Variants in TBXAS1 observed in about 807,000 individuals in gnomAD.
TBXAS1 encodes the protein thromboxane-A synthase.
TBXAS1 carries 48 observed loss-of-function variants against 60.7 expected under a neutral mutation model. The observed-to-expected ratio is 0.79, with a 90% CI of 0.63 to 1.01. The LOEUF (loss-of-function observed/expected upper bound fraction) is 1.01, where lower values mean the gene tolerates loss of function less well. Among genes scored for constraint, TBXAS1 ranks in the 50% least tolerant of loss-of-function variants. The pLI, the probability that TBXAS1 is intolerant of heterozygous loss-of-function variation, is 0.00. For missense variants in TBXAS1, 685 were observed against 686.3 expected, an observed-to-expected ratio of 1.00 and a Z score of 0.02; for synonymous variants, 287 against 269.7, an observed-to-expected ratio of 1.06 and a Z score of -0.63.
At chr7:139,947,576 A>T (rs1808834860) in intron 5 of TBXAS1, among the ~76,000 whole-genome samples, 1 of 152,242 alleles carries the variant, frequency 6.6e-6, no homozygotes, top group African/African-American at 2.4e-5. Context: ...AAATTTTAAA[A>T]AACTGGGTAC....
intron 9 of TBXAS1, among the ~76,000 whole-genome samples, chr7:139,986,000 G>A (rs1812428256): frequency 6.6e-6 from 1 of 152,366 alleles, no homozygotes; most frequent in Admixed American, 6.5e-5. Context: ...GGTGCTACAT[G>A]AGCATTCTGT....
chr7:140,001,916 C>T (rs1171345319), intron 9 of TBXAS1, among the ~76,000 whole-genome samples: 1 of 152,220 alleles, frequency 6.6e-6, no homozygotes, highest in African/African-American at 2.4e-5. Flanking sequence ...GTCGCTTCCT[C>T]CTCACAGAGT....
chr7:139,959,938 G>A (rs1810196604), intron 8 of TBXAS1, among the ~76,000 whole-genome samples: 1 of 152,204 alleles, frequency 6.6e-6, no homozygotes, highest in Non-Finnish European at 1.5e-5. Flanking sequence ...CATGGGAGCA[G>A]GGCCAGCAGT....
intron 3 of TBXAS1, among the ~76,000 whole-genome samples, chr7:139,786,469 TTTC>T: frequency 6.6e-6 from 1 of 152,290 alleles, no homozygotes. Flanking sequence ...TAGTGAAAAG[TTTC>T]ACAGATAGAC....
At position 139,822,012 on chromosome 7, in the gene TBXAS1, A is replaced by T. The variant is rs6974198; in HGVS notation, c.-79-7300A>T. On this transcript the variant is annotated intron_variant, in intron 4 of 16. Coordinates refer to the TBXAS1 transcript ENST00000336425. ...AGTGCTCCCTGTGAGCCAGAGCTCC[A>T]CTAATCAGGCCACACGAGGAATTCA... is the stretch of plus-strand genomic sequence containing the variant. Among the ~76,000 whole-genome samples the T allele has an allele frequency of 7.3e-3, 1,113 of 152,344 alleles. 11 individuals carry two copies. Among genetic ancestry groups the T allele is most frequent in the African/African-American group, 0.025 (1,033 of 41,580 alleles).
chr7:139,837,074 G>A (rs1251588988), intron 1 of TBXAS1, among the ~76,000 whole-genome samples: 1 of 152,086 alleles, frequency 6.6e-6, no homozygotes, highest in Admixed American at 6.5e-5. Context: ...CAACACTAAC[G>A]ACCAGGGAAA....
At chr7:139,808,979 TAAA>T (rs11358840) in intron 4 of TBXAS1, among the ~76,000 whole-genome samples, 12 of 125,850 alleles carry the variant, frequency 9.5e-5, no homozygotes, top group Admixed American at 2.4e-4. Flanking sequence ...CAGGTCTTCA[TAAA>T]AAAAAAAAAA....
rs1013432320 is a variant in TBXAS1 at position 139,878,512 on chromosome 7, G to GA, written c.236+2884dup. Among the ~76,000 whole-genome samples the GA allele has an allele frequency of 4.7e-5, 7 of 150,126 alleles. No homozygotes were observed. The South Asian group carries it at 8.4e-4, about 18-fold the overall frequency. ...TAAAGCTATCAACTTTTCTCCTTTGGAAAAAAAAAGATGAGCCATAAAACA... is the reference window on the plus strand; with the variant it reads ...TAAAGCTATCAACTTTTCTCCTTTGGAAAAAAAAAAGATGAGCCATAAAACA... On this transcript the variant is annotated intron_variant, in intron 3 of 12. Transcript: ENST00000448866.
At chr7:140,016,304 G>C (rs977513245) in intron 11 of TBXAS1, 8 of 250,636 alleles carry the variant, frequency 3.2e-5, no homozygotes, top group Admixed American at 5.0e-5. Context: ...CTCCAGCCTG[G>C]GTGACAGAGC....
At chr7:139,962,261 A>C (rs1228462831) in intron 9 of TBXAS1, 28 bp downstream of exon 9, 9 of 1,612,754 alleles carry the variant, frequency 5.6e-6, no homozygotes, top group Non-Finnish European at 6.8e-6. Flanking sequence ...CCAGTTACCC[A>C]TGGGATATCC....
intron 1 of TBXAS1, among the ~76,000 whole-genome samples, chr7:139,861,222 A>T (rs997866997): frequency 6.6e-6 from 1 of 151,620 alleles, no homozygotes; most frequent in African/African-American, 2.4e-5. Context: ...TCTGCATTTG[A>T]TCTATTATGT....
chr7:139,858,829 T>A (rs194147), intron 1 of TBXAS1, among the ~76,000 whole-genome samples: 93,022 of 152,098 alleles, frequency 0.61, 29,570 homozygotes, highest in Non-Finnish European at 0.7. Context: ...ACTTTAAAAA[T>A]CTTTCATTAT....
intron 4 of TBXAS1, among the ~76,000 whole-genome samples, chr7:139,819,521 G>A (rs1798238736): frequency 6.6e-6 from 1 of 152,042 alleles, no homozygotes; most frequent in Admixed American, 6.6e-5. Context: ...TTTTTTGTTT[G>A]AGATGCAGTC....
At chr7:139,806,275 A>AT (rs1164489302) in intron 4 of TBXAS1, among the ~76,000 whole-genome samples, 1 of 140,982 alleles carries the variant, frequency 7.1e-6, no homozygotes, top group African/African-American at 2.7e-5. Context: ...ATTTTATTTT[A>AT]TTTTAGAGAC....
chr7:139,794,234 A>G (rs1797483619), intron 4 of TBXAS1, among the ~76,000 whole-genome samples: 2 of 151,852 alleles, frequency 1.3e-5, no homozygotes, highest in Admixed American at 6.6e-5. Flanking sequence ...CCAAGTAGCT[A>G]GGATTACAGG....
rs1815437179 is a variant in TBXAS1, at chr7:140,020,116, G to A, written c.*17G>A. The A allele has an allele frequency of 1.2e-6, 2 of 1,612,334 alleles. No homozygotes were observed. Among genetic ancestry groups the A allele is most frequent in the African/African-American group, 1.3e-5 (1 of 74,848 alleles). ...TCCCGCTGACACAGAAGGCTGCCGG[G>A]TGGGGGGAGGGCACCCCCAAATTCA... On this transcript the variant is annotated 3_prime_UTR_variant, in exon 13 of 13. Coordinates refer to ENST00000448866, the MANE Select transcript of TBXAS1 (RefSeq NM_001061.7).
chr7:139,859,448 C>T (rs926479765), intron 1 of TBXAS1, among the ~76,000 whole-genome samples: 9 of 151,592 alleles, frequency 5.9e-5, no homozygotes, highest in African/African-American at 1.2e-4. Context: ...CCTCGTGATC[C>T]GCCCACCTCA....
rs531982156 is a variant in TBXAS1 at position 139,811,472 on chromosome 7, A to C, written c.-79-17840A>C. Among the ~76,000 whole-genome samples, 3 of 152,386 alleles carry C rather than the reference A, an allele frequency of 2.0e-5. No homozygotes were observed. In the South Asian group the frequency reaches 6.2e-4, roughly 32 times the overall value. ...TCCTGTCTTAGGACAGATGCTGCTT[A>C]TGAAAATTGTCTGTACCTGTCTTTG... On this transcript the variant is annotated intron_variant, in intron 4 of 16. Transcript: ENST00000336425.
Position 139,947,289 on chromosome 7 carries a change from T to C in TBXAS1, c.451-6079T>C, listed in dbSNP as rs372567996. Among the ~76,000 whole-genome samples, 54 of 152,266 alleles carry C rather than the reference T, an allele frequency of 3.5e-4. No homozygotes were observed. In the East Asian group the frequency reaches 8.3e-3, roughly 23 times the overall value. ...GGGACATGGATGGAGCTGGAGGCCA[T>C]TATCCTCAGCTAACTAACACAGGAA... On this transcript the variant is annotated intron_variant, in intron 5 of 12. Coordinates refer to ENST00000448866, the MANE Select transcript of TBXAS1 (RefSeq NM_001061.7).
Sources: allele counts gnomAD v4.1 joint callset (sites outside exome capture counted in the v4.1 genomes callset), GRCh38; gene constraint gnomAD v4.1.1; transcripts MANE v1.5; gene names NCBI Gene and HGNC (gene_info 2026-07-23, HGNC 2026-07-21).